Variants in DLG2 observed in about 807,000 individuals in gnomAD.
The protein encoded by DLG2 is discs large MAGUK scaffold protein 2.
Under a neutral mutation model 132.5 loss-of-function variants are expected in DLG2, and 45 were observed. The observed-to-expected ratio is 0.34, with a 90% CI of 0.27 to 0.44. DLG2 has a LOEUF of 0.44. Among genes scored for constraint, DLG2 ranks in the 20% least tolerant of loss-of-function variants. The pLI, the probability that DLG2 is intolerant of heterozygous loss-of-function variation, is 1.00. For synonymous variants in DLG2, 424 were observed against 419.6 expected, an observed-to-expected ratio of 1.01 and a Z score of -0.13; for missense variants, 1,045 against 1,196.9, an observed-to-expected ratio of 0.87 and a Z score of 1.87.
At chr11:84,921,650 T>C (rs921698448) in intron 6 of DLG2, among the ~76,000 whole-genome samples, 1 of 152,146 alleles carries the variant, frequency 6.6e-6, no homozygotes. Flanking sequence ...AATTGTTATC[T>C]CTTTATCTAA....
chr11:85,514,929 C>T (rs2094143652), intron 3 of DLG2, among the ~76,000 whole-genome samples: 2 of 151,958 alleles, frequency 1.3e-5, no homozygotes, highest in Admixed American at 6.6e-5. Context: ...AATATACTTT[C>T]GTTGTACATC....
At chr11:84,726,101 T>C (rs540843886) in intron 6 of DLG2, among the ~76,000 whole-genome samples, 1 of 152,144 alleles carries the variant, frequency 6.6e-6, no homozygotes, top group East Asian at 1.9e-4. Context: ...TGTCAACCCT[T>C]TGTGTTCACT....
At chr11:84,796,915 C>A (rs529924648) in intron 6 of DLG2, among the ~76,000 whole-genome samples, 9 of 151,812 alleles carry the variant, frequency 5.9e-5, no homozygotes, top group Admixed American at 5.9e-4. Flanking sequence ...GGTGCAATTT[C>A]GGCTCACTGC....
intron 7 of DLG2, among the ~76,000 whole-genome samples, chr11:84,290,537 T>C (rs1317804502): frequency 6.6e-6 from 1 of 152,058 alleles, no homozygotes; most frequent in African/African-American, 2.4e-5. Context: ...AGTTTTTGTG[T>C]GTGAGGGAAA....
intron 3 of DLG2, among the ~76,000 whole-genome samples, chr11:85,421,940 T>C (rs2090347713): frequency 6.6e-6 from 1 of 152,188 alleles, no homozygotes; most frequent in African/African-American, 2.4e-5. Flanking sequence ...TTCCTTCATA[T>C]ATAAAGCTTA....
chr11:85,186,691 G>A (rs889416418), intron 4 of DLG2, among the ~76,000 whole-genome samples: 6 of 152,056 alleles, frequency 3.9e-5, no homozygotes, highest in African/African-American at 1.2e-4. Flanking sequence ...GTCACATCCT[G>A]ACCTATCATG....
intron 7 of DLG2, among the ~76,000 whole-genome samples, chr11:84,371,318 C>T (rs1293145815): frequency 6.7e-6 from 1 of 150,370 alleles, no homozygotes; most frequent in African/African-American, 2.4e-5. Flanking sequence ...AGTGGCACAA[C>T]CATGGTTTAC....
intron 18 of DLG2, among the ~76,000 whole-genome samples, chr11:83,691,021 C>T (rs138847746): frequency 6.6e-6 from 1 of 152,156 alleles, no homozygotes; most frequent in Non-Finnish European, 1.5e-5. Flanking sequence ...CTTGACAAAA[C>T]AAGTTTGCTG....
chr11:85,626,431 T>A (rs1173284713), intron 2 of DLG2, among the ~76,000 whole-genome samples, 156 bp downstream of exon 2: 1 of 152,232 alleles, frequency 6.6e-6, no homozygotes, highest in Non-Finnish European at 1.5e-5. Context: ...TGCTTCCTTT[T>A]ACTTTAGTAA....
At chr11:83,889,815 A>G (rs1374442048) in intron 15 of DLG2, among the ~76,000 whole-genome samples, 2 of 152,154 alleles carry the variant, frequency 1.3e-5, no homozygotes, top group African/African-American at 4.8e-5. Flanking sequence ...TTGTAGGGAC[A>G]TGGATGAAAT....
At chr11:84,535,868 T>C (rs760003190) in intron 6 of DLG2, among the ~76,000 whole-genome samples, 4 of 152,036 alleles carry the variant, frequency 2.6e-5, no homozygotes, top group Non-Finnish European at 5.9e-5. Context: ...AACATTGTCA[T>C]AACACCATCA....
chr11:83,980,318 C>T (rs1256025566), intron 12 of DLG2, among the ~76,000 whole-genome samples, 188 bp downstream of exon 12: 3 of 152,144 alleles, frequency 2.0e-5, no homozygotes, highest in African/African-American at 7.2e-5. Flanking sequence ...GAGCCCTCAC[C>T]AGAAACCTAA....
At chr11:85,323,872 T>C (rs1041493509) in intron 3 of DLG2, among the ~76,000 whole-genome samples, 1 of 152,250 alleles carries the variant, frequency 6.6e-6, no homozygotes, top group African/African-American at 2.4e-5. Flanking sequence ...ACTGTGAATA[T>C]ATACCACTTT....
chr11:85,623,909 G>A (rs2081897067), intron 2 of DLG2, among the ~76,000 whole-genome samples: 1 of 152,174 alleles, frequency 6.6e-6, no homozygotes, highest in Non-Finnish European at 1.5e-5. Context: ...CTATGGTCTT[G>A]CATCATATCA....
chr11:85,309,193 A>G (rs1450280822), intron 3 of DLG2, among the ~76,000 whole-genome samples: 1 of 152,136 alleles, frequency 6.6e-6, no homozygotes, highest in East Asian at 1.9e-4. Flanking sequence ...CAAATACAAT[A>G]CATATCAATC....
chr11:83,750,978 C>T (rs1043012651), intron 18 of DLG2, among the ~76,000 whole-genome samples: 2 of 152,160 alleles, frequency 1.3e-5, no homozygotes, highest in Non-Finnish European at 2.9e-5. Flanking sequence ...AAGATAAACT[C>T]TCTGTCCTCA....
At chr11:84,014,788 A>G (rs991095069) in intron 11 of DLG2, among the ~76,000 whole-genome samples, 1 of 151,610 alleles carries the variant, frequency 6.6e-6, no homozygotes, top group Non-Finnish European at 1.5e-5. Flanking sequence ...AAAATCAATG[A>G]TGTTTCTTGC....
intron 15 of DLG2, among the ~76,000 whole-genome samples, chr11:83,925,757 C>A (rs2078856057): frequency 6.6e-6 from 1 of 151,994 alleles, no homozygotes; most frequent in Non-Finnish European, 1.5e-5. Flanking sequence ...TAATTAGGAC[C>A]TTTTATGTAA....
At chr11:85,627,683 A>AC (rs1173407507), upstream of DLG2, 2 of 152,022 alleles carry the variant, frequency 1.3e-5, no homozygotes, top group African/African-American at 4.8e-5. Flanking sequence ...TCTTCAAACT[A>AC]CCCACCTTCC....
Sources: gnomAD v4.1 joint callset for allele counts (sites outside exome capture counted in the v4.1 genomes callset) on GRCh38, gnomAD v4.1.1 for gene constraint, MANE v1.5 for transcripts, NCBI Gene and HGNC (gene_info 2026-07-23, HGNC 2026-07-21) for gene names.